Variants in FHIT observed in about 807,000 individuals in gnomAD.
The protein encoded by FHIT is fragile histidine triad diadenosine triphosphatase, also known as bis(5'-adenosyl)-triphosphatase.
In FHIT, 19 loss-of-function variants were observed where a neutral mutation model predicts 17.9. The ratio of observed to expected loss-of-function variants is 1.06; its 90% CI spans 0.74 to 1.56. The LOEUF is 1.56. Ranked by LOEUF, FHIT falls within the 40% of genes most tolerant of loss-of-function variation. FHIT has a pLI of 0.00. For synonymous variants in FHIT, 81 were observed against 69.7 expected (o/e 1.16, Z -0.81); for missense variants, 248 against 189.2 (o/e 1.31, Z -1.82).
chr3:60,842,742 G>C (rs1399272845), intron 3 of FHIT, among the ~76,000 whole-genome samples: 1 of 149,766 alleles, frequency 6.7e-6, no homozygotes, highest in Non-Finnish European at 1.5e-5. Flanking sequence ...TCAAGTTAAT[G>C]TGGGCAAGAT....
chr3:60,024,832 C>T (rs923738872), intron 5 of FHIT, among the ~76,000 whole-genome samples: 5 of 152,102 alleles, frequency 3.3e-5, no homozygotes, highest in African/African-American at 9.7e-5. Flanking sequence ...TGTATTTATT[C>T]GCCATGCATG....
chr3:59,932,989 A>C (rs1706051063), intron 7 of FHIT, among the ~76,000 whole-genome samples: 2 of 152,120 alleles, frequency 1.3e-5, no homozygotes, highest in South Asian at 4.1e-4. Flanking sequence ...ACCACTTCCA[A>C]AGGGCAAAAA....
chr3:60,517,569 C>T (rs2035207398), intron 5 of FHIT, among the ~76,000 whole-genome samples: 1 of 152,166 alleles, frequency 6.6e-6, no homozygotes, highest in Admixed American at 6.5e-5. Flanking sequence ...GCCTGGTTAA[C>T]TGGGAATTGC....
At chr3:59,759,141 A>T (rs1040114611) in intron 8 of FHIT, among the ~76,000 whole-genome samples, 4 of 151,928 alleles carry the variant, frequency 2.6e-5, no homozygotes, top group African/African-American at 7.3e-5. Context: ...AAAGAACAGC[A>T]AGTGCAGACC....
At chr3:60,840,871 TGTG>T (rs1553744915) in intron 3 of FHIT, among the ~76,000 whole-genome samples, 2 of 152,234 alleles carry the variant, frequency 1.3e-5, no homozygotes, top group African/African-American at 4.8e-5. Context: ...CAGTTTTCAA[TGTG>T]GTGTCTAACA....
intron 5 of FHIT, among the ~76,000 whole-genome samples, chr3:60,018,866 G>C (rs1042441940): frequency 6.6e-6 from 1 of 152,130 alleles, no homozygotes; most frequent in Non-Finnish European, 1.5e-5. Context: ...TGTAATCCCA[G>C]CTACTCAGGA....
At chr3:60,751,832 G>GT (rs1412560221) in intron 4 of FHIT, among the ~76,000 whole-genome samples, 4 of 152,126 alleles carry the variant, frequency 2.6e-5, no homozygotes, top group African/African-American at 4.8e-5. Context: ...CTTATTCATT[G>GT]TTTTTTTATA....
At chr3:60,160,952 AG>A (rs959656477) in intron 5 of FHIT, among the ~76,000 whole-genome samples, 1 of 152,124 alleles carries the variant, frequency 6.6e-6, no homozygotes, top group African/African-American at 2.4e-5. Context: ...TCCCAGACAA[AG>A]CAAAAAAAAA....
intron 3 of FHIT, among the ~76,000 whole-genome samples, chr3:61,009,497 C>A (rs1290359071): frequency 6.6e-6 from 1 of 152,144 alleles, no homozygotes; most frequent in East Asian, 1.9e-4. Context: ...TAACTGGTTG[C>A]TGTAAAATCA....
intron 6 of FHIT, among the ~76,000 whole-genome samples, chr3:60,013,093 A>G (rs1426458829): frequency 1.3e-5 from 2 of 152,200 alleles, no homozygotes; most frequent in African/African-American, 4.8e-5. Flanking sequence ...ATGGCAGCAA[A>G]AAAAGAAAGA....
chr3:59,768,690 A>G (rs1701923918), intron 8 of FHIT, among the ~76,000 whole-genome samples: 1 of 152,238 alleles, frequency 6.6e-6, no homozygotes, highest in Non-Finnish European at 1.5e-5. Flanking sequence ...GGCACATAGG[A>G]GAGGCTCACT....
intron 7 of FHIT, among the ~76,000 whole-genome samples, chr3:60,002,543 T>G (rs1239224145): frequency 1.3e-5 from 2 of 152,206 alleles, no homozygotes; most frequent in Middle Eastern, 3.2e-3. Flanking sequence ...AAAGGATTCC[T>G]CACCATGTTT....
chr3:61,169,290 A>G (rs1431494826), intron 2 of FHIT, among the ~76,000 whole-genome samples: 1 of 152,130 alleles, frequency 6.6e-6, no homozygotes. Flanking sequence ...TTTTATCTCA[A>G]TTTGCAACTC....
chr3:60,804,755 T>C (rs1409210429), intron 4 of FHIT, among the ~76,000 whole-genome samples: 1 of 152,194 alleles, frequency 6.6e-6, no homozygotes, highest in Non-Finnish European at 1.5e-5. Flanking sequence ...TTACCATTCT[T>C]TCTCCTCTCA....
At chr3:61,122,804 T>G (rs2036496930) in intron 2 of FHIT, among the ~76,000 whole-genome samples, 1 of 152,124 alleles carries the variant, frequency 6.6e-6, no homozygotes, top group Admixed American at 6.5e-5. Context: ...CACAATGAGA[T>G]ACCATCTCAC....
chr3:61,199,156 A>C (rs2038942108), intron 2 of FHIT, among the ~76,000 whole-genome samples: 1 of 152,208 alleles, frequency 6.6e-6, no homozygotes, highest in Non-Finnish European at 1.5e-5. Context: ...GACTAAACCC[A>C]TGTCTGATTC....
chr3:60,122,905 A>C (rs938158247), intron 5 of FHIT, among the ~76,000 whole-genome samples: 1 of 152,234 alleles, frequency 6.6e-6, no homozygotes, highest in African/African-American at 2.4e-5. Context: ...AAATGTTTCC[A>C]GAGTTTTAAA....
chr3:60,965,051 A>G, intron 3 of FHIT, among the ~76,000 whole-genome samples: 1 of 152,130 alleles, frequency 6.6e-6, no homozygotes, highest in Non-Finnish European at 1.5e-5. Context: ...CATTCTCCTC[A>G]TCACTTTCAG....
intron 4 of FHIT, among the ~76,000 whole-genome samples, chr3:60,632,733 C>T (rs1009171162): frequency 1.3e-5 from 2 of 152,046 alleles, no homozygotes; most frequent in African/African-American, 4.8e-5. Flanking sequence ...ATCAACAAAC[C>T]TTAATGTAAA....
Sources: gnomAD v4.1 joint callset for allele counts (sites outside exome capture counted in the v4.1 genomes callset) on GRCh38, gnomAD v4.1.1 for gene constraint, MANE v1.5 for transcripts, NCBI Gene and HGNC (gene_info 2026-07-23, HGNC 2026-07-21) for gene names.